Variants in RPS6KC1 observed in about 807,000 individuals in gnomAD.
The protein encoded by RPS6KC1 is inactive ribosomal protein S6 kinase delta-1.
RPS6KC1 carries 54 observed loss-of-function variants against 103.8 expected under a neutral mutation model. The observed-to-expected ratio is 0.52, with a 90% CI of 0.42 to 0.65. The LOEUF (loss-of-function observed/expected upper bound fraction) is 0.65, where lower values mean the gene tolerates loss of function less well. Among genes scored for constraint, RPS6KC1 ranks in the 30% least tolerant of loss-of-function variants. The probability of loss-of-function intolerance (pLI) is 0.00; values close to 1 mark genes in which losing one functional copy is unlikely to be tolerated. For missense variants in RPS6KC1, 1,151 were observed against 1,253.8 expected (o/e 0.92, Z 1.24); for synonymous variants, 439 against 438.7 (o/e 1.00, Z -0.01).
the RPS6KC1 span, among the ~76,000 whole-genome samples, chr1:213,558,884 G>A: frequency 6.6e-6 from 1 of 152,090 alleles, no homozygotes; most frequent in Non-Finnish European, 1.5e-5. Flanking sequence ...TCCTTGTTCT[G>A]TCCATAAATC....
At chr1:213,535,516 G>A in the RPS6KC1 span, among the ~76,000 whole-genome samples, 1 of 152,152 alleles carries the variant, frequency 6.6e-6, no homozygotes, top group Admixed American at 6.5e-5. Context: ...TCTGTGGCTT[G>A]TCCTCAGTGC....
At chr1:213,456,786 C>G in the RPS6KC1 span, among the ~76,000 whole-genome samples, 1 of 152,156 alleles carries the variant, frequency 6.6e-6, no homozygotes, top group South Asian at 2.1e-4. Flanking sequence ...TTTAATAACT[C>G]CCCTTTGTAA....
rs59318173 is a variant in RPS6KC1 at position 213,118,021 on chromosome 1, C to CAAAAA, written c.472+625_472+629dup. On this transcript the variant is annotated intron_variant, in intron 5 of 14. Coordinates refer to ENST00000366960, the MANE Select transcript of RPS6KC1 (RefSeq NM_012424.6). ...TGGACAACAAAGCAAGACTTTGTCT[C>CAAAAA]AAAAAAAAAAAAAAAAAAGCCTTAC... is the stretch of plus-strand genomic sequence containing the variant. 4.2e-3 allele frequency among the ~76,000 whole-genome samples: 145 copies of CAAAAA among 34,182 alleles called. 16 individuals carry two copies. In the East Asian group the frequency reaches 0.063, roughly 15 times the overall value. 22.4% of individuals were successfully genotyped at this position (34,182 alleles called of 152,430 possible).
At chr1:213,859,429 G>T in the RPS6KC1 span, among the ~76,000 whole-genome samples, 1 of 152,198 alleles carries the variant, frequency 6.6e-6, no homozygotes, top group Non-Finnish European at 1.5e-5. Flanking sequence ...GAAGCTTCTA[G>T]GTCAAGCAAC....
the RPS6KC1 span, among the ~76,000 whole-genome samples, chr1:213,614,013 A>G: frequency 6.6e-6 from 1 of 152,340 alleles, no homozygotes; most frequent in South Asian, 2.1e-4. Context: ...CTGATGTGAA[A>G]GACGACCAGT....
the RPS6KC1 span, among the ~76,000 whole-genome samples, chr1:213,813,287 T>C: frequency 6.6e-6 from 1 of 152,054 alleles, no homozygotes; most frequent in South Asian, 2.1e-4. Context: ...TGGCATGATC[T>C]CAGCTGAAGA....
chr1:213,186,617 A>G (rs947440251), intron 8 of RPS6KC1, among the ~76,000 whole-genome samples: 1 of 152,102 alleles, frequency 6.6e-6, no homozygotes, highest in African/African-American at 2.4e-5. Flanking sequence ...GGATATGTAT[A>G]TCTTTCGGAA....
the RPS6KC1 span, among the ~76,000 whole-genome samples, chr1:213,461,278 A>T: frequency 6.6e-6 from 1 of 152,252 alleles, no homozygotes; most frequent in Non-Finnish European, 1.5e-5. Context: ...CAAGGAAATA[A>T]GAGAGGACAC....
At chr1:213,360,924 C>T in the RPS6KC1 span, among the ~76,000 whole-genome samples, 2 of 152,182 alleles carry the variant, frequency 1.3e-5, no homozygotes, top group South Asian at 4.1e-4. Flanking sequence ...TGGAGGTTTC[C>T]TCTCAGAGGG....
chr1:213,378,109 A>T, the RPS6KC1 span, among the ~76,000 whole-genome samples: 3 of 152,216 alleles, frequency 2.0e-5, no homozygotes, highest in South Asian at 6.2e-4. Flanking sequence ...TTGCCATCTG[A>T]GGAACTGAGG....
chr1:213,481,765 G>A, the RPS6KC1 span, among the ~76,000 whole-genome samples: 10 of 152,130 alleles, frequency 6.6e-5, no homozygotes, highest in Non-Finnish European at 1.5e-4. Context: ...CTAAGAATGT[G>A]CTATGATTAT....
At chr1:213,194,774 A>G (rs1412031239) in intron 8 of RPS6KC1, among the ~76,000 whole-genome samples, 1 of 152,234 alleles carries the variant, frequency 6.6e-6, no homozygotes, top group African/African-American at 2.4e-5. Context: ...GAACAGTATC[A>G]TCTCAAAACC....
At chr1:213,563,501 T>C in the RPS6KC1 span, among the ~76,000 whole-genome samples, 3 of 110,854 alleles carry the variant, frequency 2.7e-5, no homozygotes, top group Non-Finnish European at 4.4e-5. Context: ...TTCCCACTTA[T>C]TGTGGTTAAA....
intron 8 of RPS6KC1, among the ~76,000 whole-genome samples, chr1:213,189,900 A>C (rs1238081080): frequency 6.6e-6 from 1 of 152,182 alleles, no homozygotes; most frequent in African/African-American, 2.4e-5. Context: ...GAGTACATGC[A>C]AAGTTTGTCT....
At chr1:213,632,583 C>A in the RPS6KC1 span, among the ~76,000 whole-genome samples, 1 of 152,182 alleles carries the variant, frequency 6.6e-6, no homozygotes, top group Admixed American at 6.5e-5. Flanking sequence ...ACCACAAAAA[C>A]CAGGAGAATC....
the RPS6KC1 span, among the ~76,000 whole-genome samples, chr1:213,454,150 G>GC: frequency 0.044 from 6,683 of 151,628 alleles, 170 homozygotes; most frequent in African/African-American, 0.06. Context: ...GACCACATGG[G>GC]GGGGGTCAGC....
At chr1:213,207,275 A>G (rs908311089) in intron 8 of RPS6KC1, among the ~76,000 whole-genome samples, 2 of 152,224 alleles carry the variant, frequency 1.3e-5, no homozygotes, top group Non-Finnish European at 2.9e-5. Context: ...ACACTAGGAA[A>G]GTAAACAGCA....
chr1:213,084,562 G>A (rs376919532), intron 3 of RPS6KC1, among the ~76,000 whole-genome samples: 6 of 152,152 alleles, frequency 3.9e-5, no homozygotes, highest in Admixed American at 1.3e-4. Flanking sequence ...ATCAATTTGA[G>A]TAAATTTAAT....
At chr1:213,365,083 GT>G in the RPS6KC1 span, among the ~76,000 whole-genome samples, 1 of 152,178 alleles carries the variant, frequency 6.6e-6, no homozygotes, top group Non-Finnish European at 1.5e-5. Flanking sequence ...CCAATAACAT[GT>G]TTGGATTTAG....
Sources: allele counts gnomAD v4.1 joint callset (sites outside exome capture counted in the v4.1 genomes callset), GRCh38; gene constraint gnomAD v4.1.1; transcripts MANE v1.5; gene names NCBI Gene and HGNC (gene_info 2026-07-23, HGNC 2026-07-21).